Variants in PIWIL3 observed in about 807,000 individuals in gnomAD.
PIWIL3 encodes the protein piwi like RNA-mediated gene silencing 3.
In PIWIL3, 101 loss-of-function variants were observed where a neutral mutation model predicts 109.7. That is an observed-to-expected ratio of 0.92 (90% CI 0.78 to 1.09). The LOEUF (loss-of-function observed/expected upper bound fraction) is 1.09. Ranked by LOEUF, PIWIL3 falls within the 50% of genes least tolerant of loss-of-function variation. The probability of loss-of-function intolerance (pLI) is 0.00; values close to 1 mark genes in which losing one functional copy is unlikely to be tolerated. For synonymous variants in PIWIL3, 373 were observed against 376.4 expected (o/e 0.99, Z 0.10); for missense variants, 1,031 against 1,072.6 (o/e 0.96, Z 0.54).
intron 2 of PIWIL3, 171 bp downstream of exon 2, chr22:24,762,227 A>T (rs1033088063): frequency 8.4e-6 from 10 of 1,197,060 alleles, no homozygotes; most frequent in Non-Finnish European, 1.1e-5. Context: ...ACATCTGAGT[A>T]GATAAAGCCT....
intron 8 of PIWIL3, 114 bp from the exon 9 acceptor site, chr22:24,751,612 T>C: frequency 2.0e-6 from 3 of 1,488,698 alleles, no homozygotes; most frequent in Non-Finnish European, 2.7e-6. Flanking sequence ...TTAGATTTAC[T>C]TAAGATGTAA....
intron 19 of PIWIL3, among the ~76,000 whole-genome samples, chr22:24,720,550 C>T (rs891290917): frequency 1.3e-5 from 2 of 152,142 alleles, no homozygotes; most frequent in African/African-American, 4.8e-5. Flanking sequence ...GGATTACAGG[C>T]ATGAGCCACT....
At chr22:24,724,832 A>G in intron 18 of PIWIL3, 55 bp downstream of exon 18, 1 of 1,559,424 alleles carries the variant, frequency 6.4e-7, no homozygotes, top group Non-Finnish European at 8.7e-7. Flanking sequence ...TTAACCTTCC[A>G]AAGTGCTGGG....
intron 12 of PIWIL3, among the ~76,000 whole-genome samples, chr22:24,738,732 G>A (rs1193934418): frequency 6.6e-6 from 1 of 152,152 alleles, no homozygotes; most frequent in Non-Finnish European, 1.5e-5. Context: ...TGAATACCTG[G>A]ACAGCCTTCC....
intron 11 of PIWIL3, 77 bp from the exon 12 acceptor site, chr22:24,749,098 T>G: frequency 8.5e-7 from 1 of 1,172,132 alleles, no homozygotes; most frequent in East Asian, 2.4e-5. Context: ...GGCAATTTCC[T>G]TCTATTCCAA....
At position 24,749,429 on chromosome 22, in the gene PIWIL3, T is replaced by C. The variant is rs1241656501; in HGVS notation, c.1309A>G (p.Lys437Glu). 2.5e-6 allele frequency: 4 copies of C among 1,613,990 alleles called. No homozygotes were observed. In the East Asian group the frequency reaches 8.9e-5, roughly 36 times the overall value. ...LSPRRRHHTLKEFINTLQDNK... is the reference protein window; with the variant it reads ...LSPRRRHHTLEEFINTLQDNK... ...TCTTGTAGAGTATTGATGAATTCTT[T>C]TAATGTATGATGCCTTCTTCTTGGA... is the stretch of plus-strand genomic sequence containing the variant. The change falls in exon 11 of 21, where the codon AAA becomes GAA. Residue 437 changes from lysine (K) to glutamate (E), a missense_variant. Physicochemically the swap from Lys to Glu is moderately conservative, Grantham distance 56 (BLOSUM62 1). Transcript: ENST00000616349.
chr22:24,763,920 G>A (rs1161370883), intron 1 of PIWIL3, among the ~76,000 whole-genome samples: 1 of 152,174 alleles, frequency 6.6e-6, no homozygotes, highest in Non-Finnish European at 1.5e-5. Context: ...GGCGCTCTGT[G>A]GCCTCGGGTT....
chr22:24,744,447 C>T (rs1182625489), intron 12 of PIWIL3, among the ~76,000 whole-genome samples: 1 of 152,050 alleles, frequency 6.6e-6, no homozygotes, highest in Non-Finnish European at 1.5e-5. Flanking sequence ...GTGGCACACA[C>T]CTGTAATCCC....
chr22:24,774,451 G>A lies in PIWIL3; in HGVS notation c.-152C>T, dbSNP rs1165659430. The A allele has an allele frequency of 6.6e-6, 1 of 152,242 alleles. No homozygotes were observed. The highest frequency in any genetic ancestry group is 1.5e-5 in the Non-Finnish European group (1 of 68,124). The allele number at this position is 152,242 out of a possible 1,614,324, so 9.4% of individuals were successfully genotyped here. A position where few individuals can be genotyped will look rare whatever the true frequency, so the allele number is the denominator to read the frequency against. On this transcript the variant is annotated 5_prime_UTR_variant, in exon 1 of 21. Transcript: ENST00000616349. The stretch of plus-strand genomic sequence containing the variant: ...AATAATTCAGGACAAGCCACTGGAG[G>A]GGGTCACACCACCTGACACCTCCCA...
At position 24,719,770 on chromosome 22, in the gene PIWIL3, C is replaced by T; in HGVS notation, c.2483G>A (p.Cys828Tyr). 6.2e-7 allele frequency: 1 copy of T among 1,612,750 alleles called. No individual in the cohort carries two copies. The highest frequency in any genetic ancestry group is 8.5e-7 in the Non-Finnish European group (1 of 1,179,006). Reference sequence around the variant, plus strand: ...TACTGGCAAATTATAATACATGTGGCATAGACAATATGTTAAACGCTGTAC... The same window carrying T: ...TACTGGCAAATTATAATACATGTGGTATAGACAATATGTTAAACGCTGTAC... ...DTVQRLTYCL[C>Y]HMYYNLPGII... is the part of the protein sequence containing the mutation. Residue 828 changes from cysteine (C) to tyrosine (Y), a missense_variant, in exon 20 of 21, where the codon TGC (cysteine) becomes TAC (tyrosine). Physicochemically the swap from Cys to Tyr is radical, Grantham distance 194 (BLOSUM62 -2). Transcript: ENST00000616349.
At chr22:24,752,563 G>A (rs901170715) in intron 8 of PIWIL3, among the ~76,000 whole-genome samples, 20 of 152,022 alleles carry the variant, frequency 1.3e-4, no homozygotes, top group African/African-American at 4.8e-4. Context: ...AGATTCATTC[G>A]GAATGCCCCT....
intron 14 of PIWIL3, among the ~76,000 whole-genome samples, chr22:24,733,628 C>T (rs1367915535): frequency 2.0e-5 from 3 of 151,882 alleles, no homozygotes; most frequent in Admixed American, 1.3e-4. Context: ...TACAGTGGGC[C>T]GAGATCATGC....
chr22:24,728,545 T>C (rs1923134643), intron 14 of PIWIL3, 171 bp from the exon 15 acceptor site: 1 of 558,330 alleles, frequency 1.8e-6, no homozygotes, highest in East Asian at 2.9e-5. Flanking sequence ...TTATTAATTA[T>C]AACATAATTA....
At chr22:24,757,339 C>G (rs1288631935) in intron 4 of PIWIL3, among the ~76,000 whole-genome samples, 1 of 152,086 alleles carries the variant, frequency 6.6e-6, no homozygotes, top group Admixed American at 6.6e-5. Context: ...GGCCAGGGCA[C>G]AGTGGCTCAC....
rs11440307 is a variant in PIWIL3 at position 24,771,740 on chromosome 22, CT to C, written c.-23+2581del. Among the ~76,000 whole-genome samples, 527 of 149,054 alleles carry C rather than the reference CT, an allele frequency of 3.5e-3. 5 individuals are homozygous for C. The highest frequency in any genetic ancestry group is 0.012 in the African/African-American group (492 of 40,664). On this transcript the variant is annotated intron_variant, in intron 1 of 20. Coordinates refer to ENST00000616349, the MANE Select transcript of PIWIL3 (RefSeq NM_001255975.1). ...GAAGACTATTTCTCTCTCTTGCCCT[CT>C]TTTTTTTTTGGAGACAGAGTCTTGC...
chr22:24,731,434 C>T (rs1312495064), intron 14 of PIWIL3, among the ~76,000 whole-genome samples: 2 of 152,100 alleles, frequency 1.3e-5, no homozygotes, highest in Admixed American at 6.5e-5. Context: ...GGGCAGATCA[C>T]AAGGTCAGGA....
At chr22:24,742,818 C>A (rs532956247) in intron 12 of PIWIL3, among the ~76,000 whole-genome samples, 1 of 152,260 alleles carries the variant, frequency 6.6e-6, no homozygotes, top group East Asian at 1.9e-4. Flanking sequence ...ATCAGAAAAA[C>A]CCTTCTAGAC....
chr22:24,733,814 C>T (rs1178849904), intron 14 of PIWIL3, among the ~76,000 whole-genome samples: 1 of 151,896 alleles, frequency 6.6e-6, no homozygotes, highest in African/African-American at 2.4e-5. Flanking sequence ...TTATTAATAC[C>T]CACACTACTT....
At chr22:24,757,680 A>ATATATATAAAATATGTATATAT (rs1925164188) in intron 4 of PIWIL3, among the ~76,000 whole-genome samples, 1 of 150,730 alleles carries the variant, frequency 6.6e-6, no homozygotes, top group Non-Finnish European at 1.5e-5. Flanking sequence ...ACACACACAC[A>ATATATATAAAATATGTATATAT]CACACACACA....
Sources: allele counts gnomAD v4.1 joint callset (sites outside exome capture counted in the v4.1 genomes callset), GRCh38; gene constraint gnomAD v4.1.1; transcripts MANE v1.5; gene names NCBI Gene and HGNC (gene_info 2026-07-23, HGNC 2026-07-21).